Variants in SAMD5 observed in about 807,000 individuals in gnomAD.
The protein encoded by SAMD5 is sterile alpha motif domain containing 5, also known as sterile alpha motif domain-containing protein 5.
SAMD5 carries 13 observed loss-of-function variants against 11.3 expected under a neutral mutation model. The ratio of observed to expected loss-of-function variants is 1.15; its 90% CI spans 0.75 to 1.83. SAMD5 has a LOEUF of 1.83. Among genes scored for constraint, SAMD5 ranks in the 40% most tolerant of loss-of-function variants. SAMD5 has a pLI of 0.00. For synonymous variants in SAMD5, 129 were observed against 111.3 expected, an observed-to-expected ratio of 1.16 and a Z score of -1.00; for missense variants, 255 against 239.1, an observed-to-expected ratio of 1.07 and a Z score of -0.44.
rs1237730794 is a variant in SAMD5, at chr6:147,711,347, C to T, written c.163-25970C>T. Among the ~76,000 whole-genome samples the T allele has an allele frequency of 6.6e-6, 1 of 152,098 alleles. No homozygotes were observed. Among genetic ancestry groups the T allele is most frequent in the Non-Finnish European group, 1.5e-5 (1 of 68,036 alleles). On this transcript the variant is annotated intron_variant, in intron 1 of 1. Coordinates refer to the SAMD5 transcript ENST00000566741. This position sits in a 1 kb window ranked among gnomAD's most constrained non-coding sequence, Gnocchi z 4.1. ...CCTGATCCCCCAACCTGACCCTGTGCTCCCTGTCCCATTTCTAGCCATATC... is the reference window on the plus strand; with the variant it reads ...CCTGATCCCCCAACCTGACCCTGTGTTCCCTGTCCCATTTCTAGCCATATC...
In SAMD5 at chr6:147,711,076, G is replaced by GAAGGAA. The variant is rs2128458495; in HGVS notation, c.163-26241_163-26240insAAGGAA. ...GGAAGGAAAAGAAGGAAGGAAGGAA[G>GAAGGAA]GGAAGGAAGGGGGCAATGGAAAGTA... On this transcript the variant is annotated intron_variant, in intron 1 of 1. Coordinates refer to the SAMD5 transcript ENST00000566741. The surrounding 1 kb of genome is among the most constrained non-coding windows in gnomAD (Gnocchi z 4.1). Among the ~76,000 whole-genome samples the GAAGGAA allele has an allele frequency of 6.6e-6, 1 of 151,478 alleles. No homozygotes were observed. The highest frequency in any genetic ancestry group is 1.9e-4 in the East Asian group (1 of 5,148).
intron 1 of SAMD5, among the ~76,000 whole-genome samples, chr6:147,657,713 G>A (rs1382949488): frequency 6.6e-6 from 1 of 152,132 alleles, no homozygotes; most frequent in Non-Finnish European, 1.5e-5. Flanking sequence ...GTTCATAGAC[G>A]GTGCCTTCTC....
chr6:147,952,948 A>G, the SAMD5 span, among the ~76,000 whole-genome samples: 1 of 152,208 alleles, frequency 6.6e-6, no homozygotes, highest in African/African-American at 2.4e-5. Context: ...AAAATGCCTC[A>G]GAGGACTTTT....
chr6:147,814,907 A>G, the SAMD5 span, among the ~76,000 whole-genome samples: 1 of 152,148 alleles, frequency 6.6e-6, no homozygotes, highest in African/African-American at 2.4e-5. Context: ...TTCAAGGGGA[A>G]ATGGGAGAAA....
chr6:147,790,818 CTCTCTCTCTT>C, the SAMD5 span, among the ~76,000 whole-genome samples: 4 of 122,442 alleles, frequency 3.3e-5, no homozygotes, highest in African/African-American at 3.1e-5. Context: ...CTCTCTCTCT[CTCTCTCTCTT>C]CTCTGTCTCC....
chr6:147,614,628 T>C (rs1266547994), intron 1 of SAMD5, among the ~76,000 whole-genome samples: 1 of 151,828 alleles, frequency 6.6e-6, no homozygotes, highest in Non-Finnish European at 1.5e-5. Flanking sequence ...TCTAAACTAA[T>C]CTGTGGTGTA....
intron 1 of SAMD5, among the ~76,000 whole-genome samples, chr6:147,667,800 A>G (rs1188291720): frequency 6.6e-6 from 1 of 152,168 alleles, no homozygotes; most frequent in Non-Finnish European, 1.5e-5. Context: ...AACAGTTTAA[A>G]TATCAGAGTA....
At chr6:147,657,482 C>T (rs577648775) in intron 1 of SAMD5, among the ~76,000 whole-genome samples, 1 of 151,972 alleles carries the variant, frequency 6.6e-6, no homozygotes, top group African/African-American at 2.4e-5. Context: ...AGTGAGTAAG[C>T]GTGAGAAAGA....
At chr6:147,750,957 G>T in the SAMD5 span, among the ~76,000 whole-genome samples, 1 of 152,068 alleles carries the variant, frequency 6.6e-6, no homozygotes, top group South Asian at 2.1e-4. Flanking sequence ...ACTATGGATG[G>T]CTGGACTCCA....
intron 1 of SAMD5, among the ~76,000 whole-genome samples, chr6:147,712,439 G>A (rs1791412866): frequency 1.3e-5 from 2 of 152,144 alleles, no homozygotes; most frequent in African/African-American, 4.8e-5. Flanking sequence ...GAGACTTACA[G>A]TAATTCACTT....
chr6:147,645,611 C>A (rs1790385635), intron 1 of SAMD5, among the ~76,000 whole-genome samples: 1 of 152,152 alleles, frequency 6.6e-6, no homozygotes, highest in African/African-American at 2.4e-5. Flanking sequence ...GAATACTTTT[C>A]ATCTCAAAGC....
At chr6:147,693,581 G>T (rs544157963) in intron 1 of SAMD5, among the ~76,000 whole-genome samples, 2 of 152,180 alleles carry the variant, frequency 1.3e-5, no homozygotes, top group East Asian at 1.9e-4. Flanking sequence ...TCACAATAAG[G>T]CCACAGTTCC....
chr6:147,744,906 T>TAAATAAATAAA, the SAMD5 span, among the ~76,000 whole-genome samples: 1 of 150,696 alleles, frequency 6.6e-6, no homozygotes, highest in Admixed American at 6.6e-5. Flanking sequence ...TCACAATAAA[T>TAAATAAATAAA]AAATAAATAA....
the SAMD5 span, among the ~76,000 whole-genome samples, chr6:147,934,009 A>T: frequency 6.6e-6 from 1 of 152,180 alleles, no homozygotes; most frequent in Non-Finnish European, 1.5e-5. Flanking sequence ...GTCCTAATAT[A>T]AGCCTCTAAT....
chr6:147,954,176 G>A, the SAMD5 span, among the ~76,000 whole-genome samples: 1 of 152,146 alleles, frequency 6.6e-6, no homozygotes, highest in Non-Finnish European at 1.5e-5. Flanking sequence ...AGTAAATACA[G>A]TCATTATTTT....
the SAMD5 span, among the ~76,000 whole-genome samples, chr6:147,912,621 T>C: frequency 6.6e-6 from 1 of 152,194 alleles, no homozygotes; most frequent in Non-Finnish European, 1.5e-5. Context: ...GATGCACAGG[T>C]TATTCATTAC....
chr6:147,829,541 A>C, the SAMD5 span, among the ~76,000 whole-genome samples: 1 of 152,130 alleles, frequency 6.6e-6, no homozygotes, highest in African/African-American at 2.4e-5. Context: ...TTTGGCACCA[A>C]AGTTTGTGTG....
the SAMD5 span, chr6:147,953,698 G>C: frequency 6.6e-6 from 1 of 152,108 alleles, no homozygotes; most frequent in Non-Finnish European, 1.5e-5. Flanking sequence ...AGGTAAGCTT[G>C]TTATTATTTG....
At chr6:147,720,571 TGAG>T (rs1465212808) in intron 1 of SAMD5, among the ~76,000 whole-genome samples, 1 of 151,718 alleles carries the variant, frequency 6.6e-6, no homozygotes, top group East Asian at 1.9e-4. Context: ...ACAGAAAAAA[TGAG>T]GAGAGGAGTA....
Sources: allele counts gnomAD v4.1 joint callset (sites outside exome capture counted in the v4.1 genomes callset), GRCh38; gene constraint gnomAD v4.1.1; non-coding constraint Gnocchi (gnomAD v3.1); transcripts MANE v1.5; gene names NCBI Gene and HGNC (gene_info 2026-07-23, HGNC 2026-07-21).